Variants in ASTN2 observed in about 807,000 individuals in gnomAD.
The protein encoded by ASTN2 is astrotactin-2.
A neutral mutation model predicts 139.8 loss-of-function variants in ASTN2; 54 were observed. The observed-to-expected ratio is 0.39, with a 90% confidence interval of 0.31 to 0.48. The LOEUF is 0.48. Ranked by LOEUF, ASTN2 falls within the 20% of genes least tolerant of loss-of-function variation. ASTN2 has a pLI of 0.95. For missense variants in ASTN2, 1,565 were observed against 1,725.1 expected, an observed-to-expected ratio of 0.91 and a Z score of 1.64; for synonymous variants, 756 against 719.5, an observed-to-expected ratio of 1.05 and a Z score of -0.81.
chr9:117,032,142 G>T (rs1838264703), intron 6 of ASTN2, among the ~76,000 whole-genome samples: 1 of 152,124 alleles, frequency 6.6e-6, no homozygotes, highest in Non-Finnish European at 1.5e-5. Context: ...TCTAGGTAAT[G>T]TTCATGAGAG....
At chr9:116,936,553 T>A (rs1835089605) in intron 10 of ASTN2, among the ~76,000 whole-genome samples, 1 of 152,216 alleles carries the variant, frequency 6.6e-6, no homozygotes, top group South Asian at 2.1e-4. Context: ...ACCAAACCCA[T>A]GCTCTTGGAC....
chr9:116,951,515 G>A (rs539825181), intron 10 of ASTN2, among the ~76,000 whole-genome samples: 2 of 152,180 alleles, frequency 1.3e-5, no homozygotes, highest in Admixed American at 6.5e-5. Flanking sequence ...CAAAGATAAA[G>A]GAGAGGGAAG....
At chr9:117,012,653 A>G (rs1837568720) in intron 6 of ASTN2, among the ~76,000 whole-genome samples, 1 of 152,224 alleles carries the variant, frequency 6.6e-6, no homozygotes, top group Non-Finnish European at 1.5e-5. Context: ...AAAGAGGAAC[A>G]TTGAAGAGTT....
chr9:116,472,934 A>G (rs554280881), intron 20 of ASTN2, among the ~76,000 whole-genome samples: 62 of 151,206 alleles, frequency 4.1e-4, no homozygotes, highest in African/African-American at 1.5e-3. Context: ...CTTGGAAAAA[A>G]AAAAAAAAAA....
intron 13 of ASTN2, among the ~76,000 whole-genome samples, chr9:116,758,734 G>A (rs2132164866): frequency 6.6e-6 from 1 of 152,222 alleles, no homozygotes; most frequent in East Asian, 1.9e-4. Context: ...CAGCTTGAGG[G>A]CAGGAGAACT....
intron 10 of ASTN2, among the ~76,000 whole-genome samples, chr9:116,877,993 C>G (rs1833348508): frequency 6.6e-6 from 1 of 152,132 alleles, no homozygotes; most frequent in Non-Finnish European, 1.5e-5. Flanking sequence ...AAATGCAAAT[C>G]AAAACCACAA....
chr9:117,303,797 A>G (rs753191395), intron 1 of ASTN2, among the ~76,000 whole-genome samples: 23 of 152,198 alleles, frequency 1.5e-4, no homozygotes, highest in Admixed American at 2.6e-4. Context: ...TCAAGAGGTG[A>G]GTCTGTTTTT....
chr9:116,725,920 T>C lies in ASTN2; in HGVS notation c.2657A>G (p.Lys886Arg). ...GFTNVLKILT[K>R]ESSREELLSF... ...CAGCAGCTCCTCCCGACTGCTCTCC[T>C]TGGTCAGGATCTTGAGAACATTAGT... Residue 886 changes from lysine to arginine, a missense_variant, in exon 16 of 23, where the codon AAG becomes AGG. Physicochemically the swap from Lys to Arg is conservative, Grantham distance 26. This residue lies in a region of ASTN2 where 503 missense variants were observed against 591.7 expected (regional missense o/e 0.85). Transcript: ENST00000313400. The C allele has an allele frequency of 6.2e-7, 1 of 1,613,742 alleles. No homozygotes were observed. Among genetic ancestry groups the C allele is most frequent in the Non-Finnish European group, 8.5e-7 (1 of 1,179,912 alleles).
intron 3 of ASTN2, among the ~76,000 whole-genome samples, chr9:117,188,545 G>A (rs1454343449): frequency 6.6e-6 from 1 of 152,086 alleles, no homozygotes; most frequent in African/African-American, 2.4e-5. Flanking sequence ...TCACTGCTGT[G>A]TTGTTGCTGG....
chr9:117,013,680 C>T (rs1837596769), intron 6 of ASTN2, among the ~76,000 whole-genome samples: 1 of 151,944 alleles, frequency 6.6e-6, no homozygotes, highest in African/African-American at 2.4e-5. Flanking sequence ...TGTAATTGTG[C>T]AGCATAGATC....
chr9:117,327,459 T>C (rs1300179601), intron 1 of ASTN2, among the ~76,000 whole-genome samples: 1 of 152,022 alleles, frequency 6.6e-6, no homozygotes, highest in Non-Finnish European at 1.5e-5. Context: ...TTACAGTAGA[T>C]AGGGTTTATG....
intron 10 of ASTN2, among the ~76,000 whole-genome samples, chr9:116,924,774 G>A (rs1195232292): frequency 6.6e-6 from 1 of 152,080 alleles, no homozygotes; most frequent in African/African-American, 2.4e-5. Context: ...GGTGGGATTT[G>A]GATAGCTTCT....
At chr9:117,274,026 C>T (rs1448000806) in intron 2 of ASTN2, among the ~76,000 whole-genome samples, 3 of 152,132 alleles carry the variant, frequency 2.0e-5, no homozygotes, top group Admixed American at 6.5e-5. Context: ...TGGTTATGGG[C>T]CTTTCTCCAC....
chr9:117,292,568 C>A (rs1834620791), intron 1 of ASTN2, among the ~76,000 whole-genome samples: 1 of 152,098 alleles, frequency 6.6e-6, no homozygotes, highest in African/African-American at 2.4e-5. Flanking sequence ...AGACAAATAG[C>A]CTTTATAATG....
At chr9:117,248,084 T>C (rs1833434422) in intron 2 of ASTN2, among the ~76,000 whole-genome samples, 1 of 152,188 alleles carries the variant, frequency 6.6e-6, no homozygotes, top group African/African-American at 2.4e-5. Flanking sequence ...AACACTGTCA[T>C]GTGTCAGTCA....
At chr9:117,008,578 T>A (rs1376023792) in intron 6 of ASTN2, among the ~76,000 whole-genome samples, 2 of 152,178 alleles carry the variant, frequency 1.3e-5, no homozygotes, top group African/African-American at 4.8e-5. Flanking sequence ...CTTGGTTACT[T>A]CCTCTGTAAA....
At chr9:116,427,690 T>C (rs910404937) in intron 22 of ASTN2, among the ~76,000 whole-genome samples, 8 of 152,242 alleles carry the variant, frequency 5.3e-5, no homozygotes, top group African/African-American at 1.9e-4. Context: ...GTGTATACAT[T>C]TTGTGGGCAC....
intron 11 of ASTN2, among the ~76,000 whole-genome samples, chr9:116,836,154 G>A (rs1394399375): frequency 6.6e-6 from 1 of 152,102 alleles, no homozygotes; most frequent in African/African-American, 2.4e-5. Flanking sequence ...TTCCTGGATG[G>A]GAGTGGTAGG....
At chr9:117,324,000 G>T (rs939272244) in intron 1 of ASTN2, among the ~76,000 whole-genome samples, 1 of 152,160 alleles carries the variant, frequency 6.6e-6, no homozygotes, top group Non-Finnish European at 1.5e-5. Context: ...TATGTAGTCA[G>T]TCATGTGCCC....
Sources: gnomAD v4.1 joint callset for allele counts (sites outside exome capture counted in the v4.1 genomes callset) on GRCh38, gnomAD v4.1.1 for gene constraint, gnomAD v4.1.1 regional missense constraint, MANE v1.5 for transcripts, NCBI Gene and HGNC (gene_info 2026-07-23, HGNC 2026-07-21) for gene names.